Variants in CR1 observed in about 807,000 individuals in gnomAD.
CR1 encodes the protein complement receptor type 1.
Under a neutral mutation model 187.3 loss-of-function variants are expected in CR1, and 116 were observed. The observed-to-expected ratio is 0.62, with a 90% confidence interval of 0.53 to 0.72. The LOEUF is 0.72. CR1 is among the 30% of genes least tolerant of loss of function. The pLI is 0.00. For synonymous variants in CR1, 576 were observed against 747.1 expected (o/e 0.77, Z 3.73); for missense variants, 1,731 against 2,110.7 (o/e 0.82, Z 3.52).
At position 207,581,879 on chromosome 1, in the gene CR1, A is replaced by G. The variant is rs1049617457; in HGVS notation, c.5217-39A>G. ...GATCTGTCACGAAGGGAAGAGAGAA[A>G]TGGTGCATTCATCCAGCCACTACTG... is the stretch of plus-strand genomic sequence containing the variant. On this transcript the variant is annotated intron_variant, in intron 31 of 46. Coordinates refer to ENST00000367049, the MANE Select transcript of CR1 (RefSeq NM_000651.6). 4 of 1,368,796 alleles carry G rather than the reference A, an allele frequency of 2.9e-6. No homozygotes were observed. In the African/African-American group the frequency reaches 5.7e-5, roughly 20 times the overall value. The allele number at this position is 1,368,796 out of a possible 1,614,324, so 84.8% of individuals were successfully genotyped here. A position where few individuals can be genotyped will look rare whatever the true frequency, so the allele number is the denominator to read the frequency against.
chr1:207,575,867 T>C (rs1325628020), intron 28 of CR1, among the ~76,000 whole-genome samples, 187 bp downstream of exon 28: 3 of 152,230 alleles, frequency 2.0e-5, no homozygotes, highest in African/African-American at 7.2e-5. Flanking sequence ...ATGCTTTTTT[T>C]TTTCTTATCT....
At chr1:207,517,830 G>A (rs1659851168) in intron 4 of CR1, among the ~76,000 whole-genome samples, 1 of 152,130 alleles carries the variant, frequency 6.6e-6, no homozygotes, top group Non-Finnish European at 1.5e-5. Flanking sequence ...TGTAAGTTCT[G>A]TAGTGATACC....
intron 46 of CR1, among the ~76,000 whole-genome samples, chr1:207,636,440 G>T (rs56159430): frequency 0.24 from 35,920 of 151,810 alleles, 6,509 homozygotes; most frequent in African/African-American, 0.5. Flanking sequence ...TAAACTTGGG[G>T]TGTAATACAA....
At chr1:207,624,038 G>A (rs1195049242) in intron 45 of CR1, among the ~76,000 whole-genome samples, 1 of 146,052 alleles carries the variant, frequency 6.8e-6, no homozygotes, top group Non-Finnish European at 1.5e-5. Flanking sequence ...CGATTCTCAT[G>A]CCTCAGCCTC....
chr1:207,588,361 G>C (rs1054715495), intron 34 of CR1, among the ~76,000 whole-genome samples: 3 of 152,148 alleles, frequency 2.0e-5, no homozygotes, highest in Admixed American at 2.0e-4. Flanking sequence ...AGTAGAGATG[G>C]GGTTTTGCCA....
At chr1:207,508,016 C>T (rs1196055412) in intron 3 of CR1, among the ~76,000 whole-genome samples, 1 of 152,106 alleles carries the variant, frequency 6.6e-6, no homozygotes, top group Non-Finnish European at 1.5e-5. Context: ...CCTTTTTTCA[C>T]CATCACTAAG....
chr1:207,523,460 A>G (rs1214757333), intron 4 of CR1, 151 bp from the exon 5 acceptor site: 3 of 1,356,144 alleles, frequency 2.2e-6, no homozygotes, highest in Non-Finnish European at 3.0e-6. Context: ...ATGCCCATTG[A>G]AGCTACAACT....
chr1:207,508,945 G>A (rs1659533641), intron 3 of CR1, among the ~76,000 whole-genome samples: 1 of 152,166 alleles, frequency 6.6e-6, no homozygotes, highest in Non-Finnish European at 1.5e-5. Context: ...CCACTTTGGA[G>A]TGCTGACCCC....
rs377661638 is a variant in CR1 at position 207,578,034 on chromosome 1, G to A, written c.4767G>A (p.Thr1589=). Residue 1589 remains threonine (T), a synonymous_variant, in exon 29 of 47, where the codon ACG becomes ACA. Transcript: ENST00000367049. The part of the protein sequence containing the change: ...APQCIIPNKC[T]PPNVENGILV... Reference sequence around the variant, plus strand: ...AGTGCATTATACCTAACAAATGCACGCCTCCAAATGTGGAAAATGGAATAT... The same window carrying A: ...AGTGCATTATACCTAACAAATGCACACCTCCAAATGTGGAAAATGGAATAT... 4.0e-5 allele frequency: 64 copies of A among 1,611,426 alleles called. No individual in the cohort carries two copies. The East Asian group carries it at 4.5e-4, about 11-fold the overall frequency.
Position 207,617,417 on chromosome 1 carries a change from C to A in CR1, c.6889+615C>A, listed in dbSNP as rs56158435. 2.0e-4 allele frequency among the ~76,000 whole-genome samples: 28 copies of A among 141,638 alleles called. No homozygotes were observed. The East Asian group carries it at 5.7e-3, about 29-fold the overall frequency. 92.9% of individuals were successfully genotyped at this position (141,638 alleles called of 152,430 possible). On this transcript the variant is annotated intron_variant, in intron 41 of 46. Transcript: ENST00000367049. ...TCTTAGCCTAATGGGTGCAGCAAAC[C>A]AATATGGCACATGTATACCTATGTA...
intron 46 of CR1, among the ~76,000 whole-genome samples, chr1:207,636,399 G>A (rs7542494): frequency 0.24 from 36,109 of 151,908 alleles, 6,610 homozygotes; most frequent in African/African-American, 0.5. Context: ...GATGGCATCT[G>A]ACCATGTCCC....
rs1660476947 is a variant in CR1 at position 207,565,836 on chromosome 1, A to G, written c.3867-2A>G. 1 of 1,610,606 alleles carries G rather than the reference A, an allele frequency of 6.2e-7. No homozygotes were observed. The highest frequency in any genetic ancestry group is 1.7e-5 in the Admixed American group (1 of 59,902). On this transcript the variant is annotated splice_acceptor_variant, in intron 23 of 46. Coordinates refer to ENST00000367049, the MANE Select transcript of CR1 (RefSeq NM_000651.6). LOFTEE classifies it high-confidence loss of function. ...ACTATTCACTCCTATTTTCTTCTTTAGATTTCAATTAAAAGGCAGCTCTGC... is the reference window on the plus strand; with the variant it reads ...ACTATTCACTCCTATTTTCTTCTTTGGATTTCAATTAAAAGGCAGCTCTGC...
At chr1:207,620,293 T>C (rs893849506) in intron 43 of CR1, among the ~76,000 whole-genome samples, 4 of 152,226 alleles carry the variant, frequency 2.6e-5, no homozygotes, top group Non-Finnish European at 4.4e-5. Context: ...TATATCACTT[T>C]GTGGTTGCAT....
chr1:207,617,847 A>C (rs935288352), intron 41 of CR1, among the ~76,000 whole-genome samples: 1 of 151,632 alleles, frequency 6.6e-6, no homozygotes, highest in Non-Finnish European at 1.5e-5. Context: ...CATCTGATCT[A>C]GTTTGAAGTT....
At chr1:207,592,330 C>A (rs1028813348) in intron 35 of CR1, among the ~76,000 whole-genome samples, 3 of 152,164 alleles carry the variant, frequency 2.0e-5, no homozygotes, top group African/African-American at 4.8e-5. Context: ...ATTAACAGAA[C>A]CAATGATAAA....
intron 24 of CR1, among the ~76,000 whole-genome samples, chr1:207,566,508 T>G (rs962848115): frequency 1.3e-5 from 2 of 150,116 alleles, no homozygotes; most frequent in Non-Finnish European, 2.9e-5. Flanking sequence ...CCCATGTTGT[T>G]TCTACTTAGG....
rs567443604 is a variant in CR1 at position 207,611,402 on chromosome 1, T to C, written c.6296-275T>C. 2.6e-5 allele frequency among the ~76,000 whole-genome samples: 4 copies of C among 152,322 alleles called. No individual in the cohort carries two copies. In the South Asian group the frequency reaches 6.2e-4, roughly 24 times the overall value. On this transcript the variant is annotated intron_variant, in intron 37 of 46. Coordinates refer to ENST00000367049, the MANE Select transcript of CR1 (RefSeq NM_000651.6). ...CGACTCTGTGCTCCATAACCAGTAGTTGAAAGCAAGAGGAATATGCTGCCT... is the reference window on the plus strand; with the variant it reads ...CGACTCTGTGCTCCATAACCAGTAGCTGAAAGCAAGAGGAATATGCTGCCT...
In CR1 at chr1:207,577,830, C is replaced by A; in HGVS notation, c.4563C>A (p.Thr1521=). 1 of 1,613,926 alleles carries A rather than the reference C, an allele frequency of 6.2e-7. No homozygotes were observed. The highest frequency in any genetic ancestry group is 8.5e-7 in the Non-Finnish European group (1 of 1,179,882). Residue 1521 remains threonine, a synonymous_variant, in exon 29 of 47, where the codon ACC becomes ACA. Transcript: ENST00000367049. ...GAATTCCTTGTGGGCTACCCCCAAC[C>A]ATCGCCAATGGAGATTTCATTAGCA... ...CQRIPCGLPP[T]IANGDFISTN... is the part of the protein sequence containing the mutation.
Position 207,614,401 on chromosome 1 carries a change from T to C in CR1, c.6576-3T>C. Reference sequence around the variant, plus strand: ...CATTTGCTACCACTTTTTTTTTCTTTAGGTTCCGATTAAAAGGCAGGTCTG... The same window carrying C: ...CATTTGCTACCACTTTTTTTTTCTTCAGGTTCCGATTAAAAGGCAGGTCTG... On this transcript the variant is annotated splice_region_variant and splice_polypyrimidine_tract_variant and intron_variant, in intron 39 of 46. Coordinates refer to ENST00000367049, the MANE Select transcript of CR1 (RefSeq NM_000651.6). 6.2e-7 allele frequency: 1 copy of C among 1,608,366 alleles called. No individual in the cohort carries two copies. The highest frequency in any genetic ancestry group is 8.5e-7 in the Non-Finnish European group (1 of 1,176,294).
Sources: gnomAD v4.1 joint callset for allele counts (sites outside exome capture counted in the v4.1 genomes callset) on GRCh38, gnomAD v4.1.1 for gene constraint, MANE v1.5 for transcripts, NCBI Gene and HGNC (gene_info 2026-07-23, HGNC 2026-07-21) for gene names.